Variants in CCDC141 observed in about 807,000 individuals in gnomAD.
CCDC141 encodes coiled-coil domain-containing protein 141.
Under a neutral mutation model 181.0 loss-of-function variants are expected in CCDC141, and 168 were observed. That is an observed-to-expected ratio of 0.93 (90% CI 0.82 to 1.05). The LOEUF (loss-of-function observed/expected upper bound fraction) is 1.05. Ranked by LOEUF, CCDC141 falls within the 50% of genes least tolerant of loss-of-function variation. The pLI is 0.00. For missense variants in CCDC141, 1,902 were observed against 1,788.5 expected (o/e 1.06, Z -1.14); for synonymous variants, 666 against 642.3 (o/e 1.04, Z -0.56).
chr2:178,817,959 T>C, the CCDC141 span, among the ~76,000 whole-genome samples: 1 of 151,994 alleles, frequency 6.6e-6, no homozygotes, highest in Non-Finnish European at 1.5e-5. Context: ...TCCGCCACCA[T>C]GCCTGCCTAA....
intron 2 of CCDC141, among the ~76,000 whole-genome samples, chr2:178,983,291 C>T (rs1258367456): frequency 2.0e-5 from 3 of 152,162 alleles, no homozygotes; most frequent in Admixed American, 2.0e-4. Flanking sequence ...ACAGAAATGA[C>T]ATCCACACCA....
chr2:178,923,368 T>C (rs1340502468), intron 6 of CCDC141, among the ~76,000 whole-genome samples: 1 of 152,126 alleles, frequency 6.6e-6, no homozygotes, highest in Non-Finnish European at 1.5e-5. Flanking sequence ...CCTCCCAAAG[T>C]GCTGGGATTA....
Position 178,833,913 on chromosome 2 carries a change from T to A in CCDC141, c.*260A>T. The A allele has an allele frequency of 2.5e-6, 1 of 405,610 alleles. No homozygotes were observed. The highest frequency in any genetic ancestry group is 4.5e-5 in the South Asian group (1 of 22,438). The allele number at this position is 405,610 out of a possible 1,614,324, so 25.1% of individuals were successfully genotyped here. ...ATAGGCATAGAATAATTTTGCTGCA[T>A]ATTATGTTGAAAACATCTGTTTCTA... On this transcript the variant is annotated 3_prime_UTR_variant, in exon 24 of 24. Transcript: ENST00000443758.
At chr2:178,908,842 G>A (rs1688097311) in intron 7 of CCDC141, among the ~76,000 whole-genome samples, 1 of 152,198 alleles carries the variant, frequency 6.6e-6, no homozygotes, top group South Asian at 2.1e-4. Context: ...CATGTTTGTT[G>A]TTTTGAGAAT....
At chr2:178,999,747 C>G (rs1273031650) in intron 2 of CCDC141, among the ~76,000 whole-genome samples, 1 of 151,550 alleles carries the variant, frequency 6.6e-6, no homozygotes, top group East Asian at 1.9e-4. Context: ...TCCTTTTGGC[C>G]TCTCACTCTC....
At chr2:178,881,832 C>A (rs1686622823) in intron 11 of CCDC141, among the ~76,000 whole-genome samples, 1 of 150,664 alleles carries the variant, frequency 6.6e-6, no homozygotes. Context: ...GAAGTCGAGG[C>A]TGCAGTGAGC....
At chr2:179,029,189 A>C (rs943943722) in intron 2 of CCDC141, among the ~76,000 whole-genome samples, 2 of 152,290 alleles carry the variant, frequency 1.3e-5, no homozygotes, top group African/African-American at 4.8e-5. Flanking sequence ...TTGAGATCCA[A>C]ATAAATACTT....
intron 2 of CCDC141, among the ~76,000 whole-genome samples, chr2:179,009,080 G>C (rs2042191359): frequency 6.6e-6 from 1 of 152,274 alleles, no homozygotes; most frequent in East Asian, 1.9e-4. Context: ...GCTGTGCATG[G>C]GGTTGGTCCT....
At chr2:178,966,147 C>T (rs1356667688) in intron 4 of CCDC141, among the ~76,000 whole-genome samples, 1 of 152,200 alleles carries the variant, frequency 6.6e-6, no homozygotes, top group Non-Finnish European at 1.5e-5. Flanking sequence ...CTCCCATCTC[C>T]CTGGGATAGA....
At chr2:178,960,751 T>C (rs1690363191) in intron 5 of CCDC141, among the ~76,000 whole-genome samples, 1 of 152,214 alleles carries the variant, frequency 6.6e-6, no homozygotes, top group African/African-American at 2.4e-5. Flanking sequence ...ATCCTGCAGC[T>C]ATGGGCCAAG....
At chr2:178,974,405 G>A (rs1168095855) in intron 4 of CCDC141, among the ~76,000 whole-genome samples, 1 of 152,152 alleles carries the variant, frequency 6.6e-6, no homozygotes, top group African/African-American at 2.4e-5. Context: ...AAAGATGACA[G>A]GTAACTACTA....
intron 4 of CCDC141, among the ~76,000 whole-genome samples, chr2:178,967,720 G>T (rs1690702013): frequency 6.6e-6 from 1 of 152,072 alleles, no homozygotes; most frequent in African/African-American, 2.4e-5. Context: ...ATAATGACAG[G>T]ATCAAATTCA....
chr2:178,951,201 G>T (rs933378793), intron 5 of CCDC141, among the ~76,000 whole-genome samples: 1 of 152,220 alleles, frequency 6.6e-6, no homozygotes, highest in African/African-American at 2.4e-5. Context: ...CCCTGCCAAA[G>T]ATATCGAAGG....
chr2:178,958,554 C>T (rs1210117846), intron 5 of CCDC141, among the ~76,000 whole-genome samples: 1 of 152,188 alleles, frequency 6.6e-6, no homozygotes, highest in Admixed American at 6.5e-5. Flanking sequence ...AGTTAGAGAA[C>T]TTACCAAGTC....
chr2:178,987,453 C>A (rs1030549231), intron 2 of CCDC141, among the ~76,000 whole-genome samples: 5 of 152,018 alleles, frequency 3.3e-5, no homozygotes, highest in Admixed American at 6.6e-5. Context: ...GCAACAAAAG[C>A]CAAAATTGAC....
At chr2:178,887,980 C>A (rs532717901) in intron 9 of CCDC141, among the ~76,000 whole-genome samples, 27 of 152,166 alleles carry the variant, frequency 1.8e-4, no homozygotes, top group Non-Finnish European at 2.8e-4. Context: ...CATACCAAGC[C>A]ATCATGTTCA....
At chr2:178,998,979 G>A (rs10930850) in intron 2 of CCDC141, among the ~76,000 whole-genome samples, 83,299 of 151,958 alleles carry the variant, frequency 0.55, 24,556 homozygotes, top group East Asian at 0.67. Flanking sequence ...CTCACAGCAA[G>A]TCGTGAACAT....
rs1340586266 is a variant in CCDC141 at position 178,868,160 on chromosome 2, G to A, written c.2440C>T (p.Pro814Ser). ...KSRELEFVEQPKELGDAHDVQ... is the reference protein window; with the variant it reads ...KSRELEFVEQSKELGDAHDVQ... ...TCATGGGCATCACCCAGTTCCTTCG[G>A]CTGCTCTACAAACTCCAGCTCTCTT... Residue 814 changes from proline to serine, a missense_variant, in exon 16 of 24, where the codon CCG (proline) becomes TCG (serine). Coordinates refer to ENST00000443758, the MANE Select transcript of CCDC141 (RefSeq NM_173648.4). 6.2e-7 allele frequency: 1 copy of A among 1,613,966 alleles called. No homozygotes were observed. The highest frequency in any genetic ancestry group is 2.2e-5 in the East Asian group (1 of 44,858).
chr2:178,919,082 C>T (rs979060704), intron 6 of CCDC141, among the ~76,000 whole-genome samples, 175 bp from the exon 7 acceptor site: 1 of 152,114 alleles, frequency 6.6e-6, no homozygotes, highest in African/African-American at 2.4e-5. Flanking sequence ...CTGCCTTGCC[C>T]CTTCCACCAT....
Sources: allele counts gnomAD v4.1 joint callset (sites outside exome capture counted in the v4.1 genomes callset), GRCh38; gene constraint gnomAD v4.1.1; transcripts MANE v1.5; gene names NCBI Gene and HGNC (gene_info 2026-07-23, HGNC 2026-07-21).